The following LAMA2 variants were observed in gnomAD, a reference collection of about 807,000 sequenced individuals.
LAMA2 encodes laminin subunit alpha-2.
Under a neutral mutation model 364.8 loss-of-function variants are expected in LAMA2, and 269 were observed. The ratio of observed to expected loss-of-function variants is 0.74; its 90% CI spans 0.67 to 0.82. The LOEUF (loss-of-function observed/expected upper bound fraction) is 0.82. LAMA2 is among the 40% of genes least tolerant of loss of function. The probability of loss-of-function intolerance (pLI) is 0.00; values close to 1 mark genes in which losing one functional copy is unlikely to be tolerated. For synonymous variants in LAMA2, 1,379 were observed against 1,370.6 expected, an observed-to-expected ratio of 1.01 and a Z score of -0.14; for missense variants, 3,807 against 3,873.2, an observed-to-expected ratio of 0.98 and a Z score of 0.45.
rs185859348 is a variant in LAMA2, at chr6:129,006,085, A to G, written c.113-43833A>G. Among the ~76,000 whole-genome samples the G allele has an allele frequency of 1.7e-4, 26 of 152,200 alleles. No individual in the cohort carries two copies. The East Asian group carries it at 3.1e-3, about 18-fold the overall frequency. On this transcript the variant is annotated intron_variant, in intron 1 of 64. Transcript: ENST00000421865. ...CCCTAATTTTGAAAAGTGTCCATCAATATCACTGTTTGGCAGTTTATCATA... is the reference window on the plus strand; with the variant it reads ...CCCTAATTTTGAAAAGTGTCCATCAGTATCACTGTTTGGCAGTTTATCATA...
At chr6:129,499,965 A>C (rs1785499024) in intron 58 of LAMA2, among the ~76,000 whole-genome samples, 1 of 152,056 alleles carries the variant, frequency 6.6e-6, no homozygotes, top group Admixed American at 6.6e-5. Context: ...TTTGTTGCCC[A>C]GGCTGGTCTC....
intron 1 of LAMA2, among the ~76,000 whole-genome samples, chr6:128,988,795 C>A (rs1409021837): frequency 6.6e-6 from 1 of 152,152 alleles, no homozygotes; most frequent in African/African-American, 2.4e-5. Flanking sequence ...TTAGAAAACT[C>A]AAATTTCTTC....
intron 58 of LAMA2, among the ~76,000 whole-genome samples, chr6:129,493,218 T>A (rs1361618652): frequency 6.6e-6 from 1 of 152,194 alleles, no homozygotes; most frequent in Admixed American, 6.5e-5. Context: ...TGTGTATGTC[T>A]AATATGATTT....
At chr6:129,474,424 G>A (rs1298602884) in intron 52 of LAMA2, among the ~76,000 whole-genome samples, 3 of 152,060 alleles carry the variant, frequency 2.0e-5, no homozygotes, top group African/African-American at 7.2e-5. Flanking sequence ...ATGTATTTGT[G>A]TTAGAAAAAT....
chr6:129,225,310 G>A (rs570909596), intron 12 of LAMA2, among the ~76,000 whole-genome samples: 134 of 152,218 alleles, frequency 8.8e-4, no homozygotes, highest in African/African-American at 3.0e-3. Flanking sequence ...ATTTGTTGAA[G>A]GGTTTTTTGT....
chr6:129,186,712 A>T (rs1287689934), intron 10 of LAMA2, among the ~76,000 whole-genome samples: 1 of 151,552 alleles, frequency 6.6e-6, no homozygotes, highest in Non-Finnish European at 1.5e-5. Context: ...GATCCAGAAC[A>T]TGTTGTCTGT....
intron 1 of LAMA2, among the ~76,000 whole-genome samples, chr6:129,012,932 G>A (rs1055154611): frequency 2.0e-5 from 3 of 151,924 alleles, no homozygotes; most frequent in East Asian, 1.9e-4. Context: ...CCTCTTCAAC[G>A]TATCATATTA....
intron 7 of LAMA2, among the ~76,000 whole-genome samples, chr6:129,151,639 A>G (rs1778801272): frequency 6.6e-6 from 1 of 152,188 alleles, no homozygotes; most frequent in Non-Finnish European, 1.5e-5. Context: ...GAAACTTATG[A>G]TCAAAGGGGA....
At chr6:129,363,533 G>T (rs1245622794) in intron 32 of LAMA2, among the ~76,000 whole-genome samples, 1 of 152,212 alleles carries the variant, frequency 6.6e-6, no homozygotes, top group Non-Finnish European at 1.5e-5. Flanking sequence ...TAGATCTGGG[G>T]TAGAGCCCGA....
chr6:129,174,484 AGTGTGTGT>A (rs58286852), intron 9 of LAMA2, among the ~76,000 whole-genome samples: 1 of 147,004 alleles, frequency 6.8e-6, no homozygotes, highest in Non-Finnish European at 1.5e-5. Flanking sequence ...ATGTTTCGTA[AGTGTGTGT>A]GTGTGTGTGT....
intron 1 of LAMA2, among the ~76,000 whole-genome samples, chr6:128,997,065 G>A (rs776081448): frequency 6.6e-6 from 1 of 151,598 alleles, no homozygotes; most frequent in Admixed American, 6.6e-5. Flanking sequence ...TCATAAGTGG[G>A]TGTTGAACAG....
At chr6:129,106,636 G>T (rs112455768) in intron 4 of LAMA2, among the ~76,000 whole-genome samples, 5 of 151,962 alleles carry the variant, frequency 3.3e-5, no homozygotes, top group African/African-American at 1.2e-4. Flanking sequence ...TTACAGTGAG[G>T]TTTATATGGA....
intron 3 of LAMA2, among the ~76,000 whole-genome samples, chr6:129,081,599 G>T (rs1774061748): frequency 6.6e-6 from 1 of 152,110 alleles, no homozygotes; most frequent in African/African-American, 2.4e-5. Flanking sequence ...ACACTGTGCT[G>T]GAAGATTTGA....
intron 10 of LAMA2, among the ~76,000 whole-genome samples, chr6:129,179,647 GCAACAATAAA>G (rs1780814449): frequency 2.0e-5 from 3 of 152,022 alleles, no homozygotes; most frequent in African/African-American, 7.2e-5. Context: ...CAATTAAAAT[GCAACAATAAA>G]CAGCAATTAA....
rs149512197 is a variant in LAMA2, at chr6:129,366,156, C to A, written c.4718-63C>A. 3.9e-5 allele frequency: 61 copies of A among 1,559,160 alleles called. No individual in the cohort carries two copies. In the East Asian group the frequency reaches 1.3e-3, roughly 33 times the overall value. ...CCATAAAATATTTCATAGCTGAATT[C>A]TTTGAACATCTGCCTGGGATGTTTA... On this transcript the variant is annotated intron_variant, in intron 32 of 64. Coordinates refer to ENST00000421865, the MANE Select transcript of LAMA2 (RefSeq NM_000426.4).
At chr6:129,447,531 G>A (rs1397951873) in intron 45 of LAMA2, among the ~76,000 whole-genome samples, 1 of 152,204 alleles carries the variant, frequency 6.6e-6, no homozygotes, top group Non-Finnish European at 1.5e-5. Flanking sequence ...AAGATCAACA[G>A]AGGCCAGGTC....
chr6:128,991,550 C>A, intron 1 of LAMA2, among the ~76,000 whole-genome samples: 1 of 152,128 alleles, frequency 6.6e-6, no homozygotes, highest in East Asian at 1.9e-4. Flanking sequence ...ATAAAGCAAT[C>A]TGCTTTTCAT....
rs564738333 is a variant in LAMA2, at chr6:129,050,123, G to A, written c.283+35G>A. ...TTAGTGTGTAGGTGTGTGGCGCTGG[G>A]TAGGATCTATAATTGTGAGATGTTG... is the stretch of plus-strand genomic sequence containing the variant. On this transcript the variant is annotated intron_variant, in intron 2 of 64. Coordinates refer to ENST00000421865, the MANE Select transcript of LAMA2 (RefSeq NM_000426.4). 90 of 1,609,470 alleles carry A rather than the reference G, an allele frequency of 5.6e-5. 1 individual carries two copies. In the South Asian group the frequency reaches 8.8e-4, roughly 16 times the overall value.
intron 62 of LAMA2, among the ~76,000 whole-genome samples, chr6:129,510,307 A>G (rs1786469820): frequency 6.6e-6 from 1 of 152,202 alleles, no homozygotes; most frequent in South Asian, 2.1e-4. Context: ...ACATTTCTAT[A>G]TGCCAACAGC....
Sources: gnomAD v4.1 joint callset for allele counts (sites outside exome capture counted in the v4.1 genomes callset) on GRCh38, gnomAD v4.1.1 for gene constraint, MANE v1.5 for transcripts, NCBI Gene and HGNC (gene_info 2026-07-23, HGNC 2026-07-21) for gene names.